STPG4: variants seen among roughly 807,000 people sequenced by gnomAD.
The protein encoded by STPG4 is sperm-tail PG-rich repeat containing 4, also known as protein STPG4.
In STPG4, 41 loss-of-function variants were observed where a neutral mutation model predicts 31.5. The observed-to-expected ratio is 1.30, with a 90% CI of 1.01 to 1.69. The LOEUF (loss-of-function observed/expected upper bound fraction) is 1.69, where lower values mean the gene tolerates loss of function less well. STPG4 is among the 40% of genes most tolerant of loss of function. The probability of loss-of-function intolerance (pLI) is 0.00; values close to 1 mark genes in which losing one functional copy is unlikely to be tolerated. For missense variants in STPG4, 375 were observed against 293.4 expected, an observed-to-expected ratio of 1.28 and a Z score of -2.03; for synonymous variants, 141 against 103.0, an observed-to-expected ratio of 1.37 and a Z score of -2.24.
chr2:47,093,336 C>G (rs527712496), intron 5 of STPG4, among the ~76,000 whole-genome samples: 1 of 152,196 alleles, frequency 6.6e-6, no homozygotes, highest in South Asian at 2.1e-4. Flanking sequence ...GGGTGAGGCT[C>G]TCTGTGTGGT....
rs143949805 is a variant in STPG4, at chr2:47,126,025, T to C, written c.519+3916A>G. On this transcript the variant is annotated intron_variant, in intron 5 of 6. Transcript: ENST00000445927. ...CTTGGCACCTGTGTCAAAAATGAGTTCACTGTAGATATATGGATTTATTTC... is the reference window on the plus strand; with the variant it reads ...CTTGGCACCTGTGTCAAAAATGAGTCCACTGTAGATATATGGATTTATTTC... Among the ~76,000 whole-genome samples, 1,190 of 152,322 alleles carry C rather than the reference T, an allele frequency of 7.8e-3. 11 individuals carry two copies. Among genetic ancestry groups the C allele is most frequent in the African/African-American group, 0.028 (1,157 of 41,572 alleles).
At chr2:47,106,161 A>G (rs1002462525) in intron 5 of STPG4, among the ~76,000 whole-genome samples, 2 of 151,998 alleles carry the variant, frequency 1.3e-5, no homozygotes, top group African/African-American at 4.8e-5. Flanking sequence ...AGTAGTAAAG[A>G]AAAAACACTG....
At chr2:47,133,718 C>T (rs1686538766) in intron 3 of STPG4, among the ~76,000 whole-genome samples, 3 of 151,646 alleles carry the variant, frequency 2.0e-5, no homozygotes, top group Admixed American at 1.3e-4. Flanking sequence ...GCTGGGATTA[C>T]AGGCATGCAC....
At chr2:47,099,378 G>A (rs974627100) in intron 5 of STPG4, among the ~76,000 whole-genome samples, 4 of 152,208 alleles carry the variant, frequency 2.6e-5, no homozygotes, top group African/African-American at 9.7e-5. Context: ...GAGCTGCCCT[G>A]ACAACGCAAA....
intron 5 of STPG4, chr2:47,121,037 C>T (rs1219072427): frequency 6.5e-6 from 1 of 153,000 alleles, no homozygotes; most frequent in East Asian, 1.9e-4. Context: ...AAGGCAGAAG[C>T]GTAAATCCTT....
At chr2:47,091,105 A>C (rs941979505) in intron 5 of STPG4, among the ~76,000 whole-genome samples, 4 of 137,230 alleles carry the variant, frequency 2.9e-5, no homozygotes, top group African/African-American at 1.1e-4. Context: ...GAACAGAGAG[A>C]GGAAGGAAGA....
At chr2:47,125,753 C>A (rs1048588622) in intron 5 of STPG4, among the ~76,000 whole-genome samples, 1 of 151,076 alleles carries the variant, frequency 6.6e-6, no homozygotes, top group Non-Finnish European at 1.5e-5. Flanking sequence ...GAGACAGGGT[C>A]TCCCTATATT....
intron 5 of STPG4, among the ~76,000 whole-genome samples, chr2:47,102,315 A>C (rs535102324): frequency 1.3e-5 from 2 of 151,998 alleles, no homozygotes; most frequent in African/African-American, 4.8e-5. Context: ...ACATTCAGGC[A>C]TCAACAGGCC....
chr2:47,129,978 G>T lies in STPG4; in HGVS notation c.482C>A (p.Ser161Ter). 1 of 1,583,422 alleles carries T rather than the reference G, an allele frequency of 6.3e-7. No homozygotes were observed. Among genetic ancestry groups the T allele is most frequent in the South Asian group, 1.1e-5 (1 of 89,896 alleles). ...GGTTGTTGGGAATCTTTGAACTGTT[G>T]AGCGAAATACACAGCTCCTATATTT... is the stretch of plus-strand genomic sequence containing the variant. ...KYASRSCVFRSTVQRFPTTYF... is the reference protein window; with the variant it reads ...KYASRSCVFR Residue 161 changes from serine to a stop codon, truncating the protein, a stop_gained, in exon 5 of 7, where the codon TCA becomes TAA. Coordinates refer to ENST00000445927, the MANE Select transcript of STPG4 (RefSeq NM_001163561.2). LOFTEE classifies it high-confidence loss of function.
chr2:47,098,948 T>C (rs558863649), intron 5 of STPG4, among the ~76,000 whole-genome samples: 1 of 152,262 alleles, frequency 6.6e-6, no homozygotes, highest in South Asian at 2.1e-4. Flanking sequence ...TATACGCTGG[T>C]GGATGGGGTA....
chr2:47,089,270 C>T (rs1023492490), intron 6 of STPG4, among the ~76,000 whole-genome samples: 2 of 152,110 alleles, frequency 1.3e-5, no homozygotes, highest in Admixed American at 1.3e-4. Flanking sequence ...CAGCCTCCTG[C>T]TGTCAGTCTG....
chr2:47,105,483 C>T (rs1345402420), intron 5 of STPG4, among the ~76,000 whole-genome samples: 4 of 152,152 alleles, frequency 2.6e-5, no homozygotes, highest in African/African-American at 4.8e-5. Context: ...TACACACCTG[C>T]GTGGCCCTCA....
chr2:47,127,252 CTTTTTTTTTTTTTTTTTTTTTT>C (rs57475505), intron 5 of STPG4, among the ~76,000 whole-genome samples: 1 of 57,456 alleles, frequency 1.7e-5, no homozygotes, highest in Non-Finnish European at 2.8e-5. Context: ...CAAGCTAATT[CTTTTTTTTTTTTTTTTTTTTTT>C]TTTTTTTTTT....
intron 5 of STPG4, chr2:47,108,333 CT>C (rs915960163): frequency 7.9e-5 from 12 of 152,276 alleles, no homozygotes; most frequent in African/African-American, 2.4e-4. Flanking sequence ...TGCAATAAAT[CT>C]TGCTACTGCT....
At chr2:47,135,668 T>C (rs1236731194) in intron 3 of STPG4, among the ~76,000 whole-genome samples, 1 of 152,224 alleles carries the variant, frequency 6.6e-6, no homozygotes, top group Non-Finnish European at 1.5e-5. Context: ...ATTACAGGCA[T>C]GAACCACCAC....
At chr2:47,152,113 A>G (rs1168462434) in intron 2 of STPG4, among the ~76,000 whole-genome samples, 1 of 152,182 alleles carries the variant, frequency 6.6e-6, no homozygotes, top group Non-Finnish European at 1.5e-5. Flanking sequence ...TTGGGATTCA[A>G]GCTTGACTAT....
At chr2:47,104,013 A>G (rs1685852250) in intron 5 of STPG4, among the ~76,000 whole-genome samples, 1 of 151,934 alleles carries the variant, frequency 6.6e-6, no homozygotes. Flanking sequence ...TGCTCTTTTC[A>G]CATGCCTTTC....
intron 5 of STPG4, among the ~76,000 whole-genome samples, chr2:47,102,436 G>C (rs955395678): frequency 6.6e-6 from 1 of 151,736 alleles, no homozygotes. Context: ...TTCTCTCTCT[G>C]ATGGGGAAAA....
At chr2:47,133,594 T>TTTTTTTTTTTA (rs1686534065) in intron 3 of STPG4, among the ~76,000 whole-genome samples, 3 of 145,306 alleles carry the variant, frequency 2.1e-5, no homozygotes, top group Non-Finnish European at 3.0e-5. Context: ...TTTTTTTTTT[T>TTTTTTTTTTTA]GAGACTGAGT....
Sources: gnomAD v4.1 joint callset for allele counts (sites outside exome capture counted in the v4.1 genomes callset) on GRCh38, gnomAD v4.1.1 for gene constraint, MANE v1.5 for transcripts, NCBI Gene and HGNC (gene_info 2026-07-23, HGNC 2026-07-21) for gene names.